UBE2W: variants seen among roughly 807,000 people sequenced by gnomAD.
The protein encoded by UBE2W is ubiquitin conjugating enzyme E2 W, also known as ubiquitin-conjugating enzyme E2 W.
Under a neutral mutation model 27.2 loss-of-function variants are expected in UBE2W, and 18 were observed. The ratio of observed to expected loss-of-function variants is 0.66; its 90% CI spans 0.46 to 0.98. The LOEUF is 0.98. UBE2W is among the 50% of genes least tolerant of loss of function. The probability of loss-of-function intolerance (pLI) is 0.00; values close to 1 mark genes in which losing one functional copy is unlikely to be tolerated. For synonymous variants in UBE2W, 53 were observed against 57.2 expected (o/e 0.93, Z 0.33); for missense variants, 90 against 180.2 (o/e 0.50, Z 2.87).
chr8:73,811,112 G>T (rs1053237747), intron 3 of UBE2W, among the ~76,000 whole-genome samples: 2 of 152,076 alleles, frequency 1.3e-5, no homozygotes, highest in Admixed American at 6.6e-5. Context: ...AAAGGGAAAT[G>T]ACTGTTATAT....
chr8:73,799,914 T>C (rs1808568404), intron 5 of UBE2W, among the ~76,000 whole-genome samples: 1 of 152,174 alleles, frequency 6.6e-6, no homozygotes, highest in Admixed American at 6.6e-5. Context: ...AACTAGGTGT[T>C]ATACTGGAAC....
At chr8:73,872,901 CTT>C (rs869161392) in intron 1 of UBE2W, among the ~76,000 whole-genome samples, 33 of 132,594 alleles carry the variant, frequency 2.5e-4, no homozygotes, top group Non-Finnish European at 2.6e-4. Flanking sequence ...TTTTTTTTTC[CTT>C]TTTTTTTTTT....
In UBE2W at chr8:73,866,403, C is replaced by T. The variant is rs376642813; in HGVS notation, c.15+12405G>A. Among the ~76,000 whole-genome samples, 11 of 149,254 alleles carry T rather than the reference C, an allele frequency of 7.4e-5. No homozygotes were observed. In the East Asian group the frequency reaches 1.2e-3, roughly 16 times the overall value. ...CTTATCTGAGGAACAGCTCTCCACT[C>T]ACCCAGAGAAGTAACCTGAATCCAA... On this transcript the variant is annotated intron_variant, in intron 1 of 5. Transcript: ENST00000602593.
intron 1 of UBE2W, among the ~76,000 whole-genome samples, 175 bp downstream of exon 1, chr8:73,878,633 G>A (rs556749516): frequency 3.3e-5 from 5 of 151,956 alleles, no homozygotes; most frequent in Non-Finnish European, 7.4e-5. Context: ...CCCCCACAAC[G>A]CCTCTCGCCG....
At position 73,786,239 on chromosome 8, in the gene UBE2W, A is replaced by G; in HGVS notation, c.*7863T>C. 1 of 985,456 alleles carries G rather than the reference A, an allele frequency of 1.0e-6. No homozygotes were observed. Among genetic ancestry groups the G allele is most frequent in the Non-Finnish European group, 1.2e-6 (1 of 829,914 alleles). The allele number at this position is 985,456 out of a possible 1,614,324, so 61.0% of individuals were successfully genotyped here. Reference sequence around the variant, plus strand: ...ACCAATGAAGAATGATTAATGATTTATTTAAAAGTAGTTTTCTCAAACTCT... The same window carrying G: ...ACCAATGAAGAATGATTAATGATTTGTTTAAAAGTAGTTTTCTCAAACTCT... On this transcript the variant is annotated 3_prime_UTR_variant, in exon 6 of 6. Coordinates refer to ENST00000602593, the MANE Select transcript of UBE2W (RefSeq NM_018299.6).
intron 1 of UBE2W, among the ~76,000 whole-genome samples, chr8:73,846,315 G>T (rs1419242518): frequency 6.6e-6 from 1 of 152,138 alleles, no homozygotes; most frequent in East Asian, 1.9e-4. Context: ...AGAATTGCTT[G>T]AACCTGGGAG....
intron 3 of UBE2W, among the ~76,000 whole-genome samples, chr8:73,811,457 G>A (rs1223432890): frequency 6.6e-6 from 1 of 152,080 alleles, no homozygotes; most frequent in East Asian, 1.9e-4. Flanking sequence ...GAATCTGTAA[G>A]CATAGTCCAA....
At chr8:73,840,014 G>A (rs193179098) in intron 1 of UBE2W, among the ~76,000 whole-genome samples, 1 of 144,888 alleles carries the variant, frequency 6.9e-6, no homozygotes, top group Non-Finnish European at 1.6e-5. Context: ...GGGATTACAG[G>A]TGTTGAGCCA....
intron 1 of UBE2W, among the ~76,000 whole-genome samples, chr8:73,859,518 C>T (rs962702140): frequency 5.9e-5 from 9 of 152,246 alleles, no homozygotes; most frequent in African/African-American, 1.9e-4. Context: ...AATATATTTT[C>T]GCTCATGATT....
chr8:73,781,122 T>G (rs1389302470), intron 4 of UBE2W, among the ~76,000 whole-genome samples: 1 of 151,546 alleles, frequency 6.6e-6, no homozygotes, highest in Non-Finnish European at 1.5e-5. Context: ...ATACAAAAAT[T>G]AGCCAGGCAT....
rs1480320186 is a variant in UBE2W at position 73,814,213 on chromosome 8, G to C, written c.211-3584C>G. ...TCAGTCAAGTAGTTTCTACAAACAA[G>C]AAATTATTAAGTTGTTTCTAAGGTT... On this transcript the variant is annotated intron_variant, in intron 3 of 5. Transcript: ENST00000602593. Among the ~76,000 whole-genome samples the C allele has an allele frequency of 2.6e-5, 4 of 152,156 alleles. No individual in the cohort carries two copies. The South Asian group carries it at 8.3e-4, about 31-fold the overall frequency.
chr8:73,807,237 T>A (rs1332551116), intron 4 of UBE2W, among the ~76,000 whole-genome samples: 1 of 152,240 alleles, frequency 6.6e-6, no homozygotes, highest in Non-Finnish European at 1.5e-5. Flanking sequence ...GCAGGATTTA[T>A]TTTCAGACTT....
chr8:73,858,135 T>C (rs895369481), intron 1 of UBE2W, among the ~76,000 whole-genome samples: 1 of 151,668 alleles, frequency 6.6e-6, no homozygotes. Flanking sequence ...CCGAGGTGGG[T>C]GGATCACCTG....
chr8:73,805,472 C>CAAAAAAA lies in UBE2W; in HGVS notation c.442+172_442+178dup. On this transcript the variant is annotated intron_variant, in intron 5 of 5. Transcript: ENST00000602593. ...TCCATCTCAAAAAAAAAAAAAAAAA[C>CAAAAAAA]AAAAAAAACTAGGGTAATTCATCCA... Among the ~76,000 whole-genome samples the CAAAAAAA allele has an allele frequency of 1.6e-3, 72 of 43,686 alleles. 4 individuals are homozygous for CAAAAAAA. The highest frequency in any genetic ancestry group is 2.8e-3 in the South Asian group (3 of 1,074). 28.7% of individuals were successfully genotyped at this position (43,686 alleles called of 152,430 possible).
At chr8:73,852,043 G>T (rs1811106282) in intron 1 of UBE2W, among the ~76,000 whole-genome samples, 1 of 150,434 alleles carries the variant, frequency 6.6e-6, no homozygotes, top group South Asian at 2.1e-4. Flanking sequence ...GGGATGGGGA[G>T]AAAGAAGAAA....
chr8:73,851,948 TC>T, intron 1 of UBE2W, among the ~76,000 whole-genome samples: 12 of 137,420 alleles, frequency 8.7e-5, no homozygotes, highest in African/African-American at 3.3e-4. Context: ...ACCCAGTCTC[TC>T]TTTTTTTTTT....
At chr8:73,820,921 T>C (rs1809587145) in intron 3 of UBE2W, among the ~76,000 whole-genome samples, 1 of 151,956 alleles carries the variant, frequency 6.6e-6, no homozygotes, top group African/African-American at 2.4e-5. Context: ...ACAGCATAGG[T>C]AGATGACAAA....
chr8:73,820,602 A>G (rs1340437560), intron 3 of UBE2W, among the ~76,000 whole-genome samples: 2 of 152,014 alleles, frequency 1.3e-5, no homozygotes, highest in Non-Finnish European at 2.9e-5. Context: ...TAAGCCAGGC[A>G]TGGTGGTGCA....
chr8:73,869,562 A>G (rs1811913988), intron 1 of UBE2W, among the ~76,000 whole-genome samples: 1 of 152,158 alleles, frequency 6.6e-6, no homozygotes. Flanking sequence ...GTGGTGGCGC[A>G]CGCCTGCAGT....
Sources: gnomAD v4.1 joint callset for allele counts (sites outside exome capture counted in the v4.1 genomes callset) on GRCh38, gnomAD v4.1.1 for gene constraint, MANE v1.5 for transcripts, NCBI Gene and HGNC (gene_info 2026-07-23, HGNC 2026-07-21) for gene names.